Variants in PRKN observed in about 807,000 individuals in gnomAD.
PRKN encodes the protein E3 ubiquitin-protein ligase parkin.
A neutral mutation model predicts 59.5 loss-of-function variants in PRKN; 56 were observed. That is an observed-to-expected ratio of 0.94 (90% CI 0.76 to 1.18). The LOEUF (loss-of-function observed/expected upper bound fraction) is 1.18, where lower values mean the gene tolerates loss of function less well. Ranked by LOEUF, PRKN falls within the 50% of genes most tolerant of loss-of-function variation. PRKN has a pLI of 0.00. For synonymous variants in PRKN, 250 were observed against 222.1 expected (o/e 1.13, Z -1.12); for missense variants, 657 against 596.4 (o/e 1.10, Z -1.06).
rs1277290743 is a variant in PRKN at position 161,456,732 on chromosome 6, G to A, written c.1084-69855C>T. ...TTTGGGTTTGCGAATGCTGACCTGG[G>A]TCTGCTTTGTATGGGTGGTCAGAGG... On this transcript the variant is annotated intron_variant, in intron 9 of 11. Transcript: ENST00000366898. This position sits in a 1 kb window ranked among gnomAD's most constrained non-coding sequence, Gnocchi z 4.8. Among the ~76,000 whole-genome samples the A allele has an allele frequency of 2.6e-5, 4 of 152,196 alleles. No individual in the cohort carries two copies.
In PRKN at chr6:161,378,476, G is replaced by T. The variant is rs12215774; in HGVS notation, c.1167+8318C>A. Reference sequence around the variant, plus strand: ...CCAACTAACTGGCCAGTGGGTGTCAGGTGGATCACAGTGACACCAGGGAAG... The same window carrying T: ...CCAACTAACTGGCCAGTGGGTGTCATGTGGATCACAGTGACACCAGGGAAG... On this transcript the variant is annotated intron_variant, in intron 10 of 11. Transcript: ENST00000366898. This position sits in a 1 kb window ranked among gnomAD's most constrained non-coding sequence, Gnocchi z 7.3. Among the ~76,000 whole-genome samples the T allele has an allele frequency of 0.078, 11,852 of 152,248 alleles. 579 individuals carry two copies. Among genetic ancestry groups the T allele is most frequent in the Non-Finnish European group, 0.1 (6,969 of 68,008 alleles).
At chr6:161,850,574 C>CAAAAAA (rs10651778) in intron 6 of PRKN, among the ~76,000 whole-genome samples, 1,074 of 88,168 alleles carry the variant, frequency 0.012, 42 homozygotes, top group African/African-American at 0.047. Flanking sequence ...GACTACGTCT[C>CAAAAAA]AAAAAAAAAA....
chr6:161,349,579 A>G lies in PRKN; in HGVS notation c.*520T>C. 4.1e-6 allele frequency: 1 copy of G among 241,258 alleles called. No homozygotes were observed. 14.9% of individuals were successfully genotyped at this position (241,258 alleles called of 1,614,324 possible). On this transcript the variant is annotated 3_prime_UTR_variant, in exon 12 of 12. Coordinates refer to ENST00000366898, the MANE Select transcript of PRKN (RefSeq NM_004562.3). This position sits in a 1 kb window ranked among gnomAD's most constrained non-coding sequence, Gnocchi z 5.5. Reference sequence around the variant, plus strand: ...AATTTAAATAAGAACATTACTGTTAAAGCCATGAATCTAGTTTGGAGAACC... The same window carrying G: ...AATTTAAATAAGAACATTACTGTTAGAGCCATGAATCTAGTTTGGAGAACC...
In PRKN at chr6:161,502,897, C is replaced by A. The variant is rs529084176; in HGVS notation, c.1083+45957G>T. 1.3e-5 allele frequency among the ~76,000 whole-genome samples: 2 copies of A among 152,090 alleles called. No homozygotes were observed. Among genetic ancestry groups the A allele is most frequent in the Admixed American group, 6.6e-5 (1 of 15,258 alleles). ...AGTAGGTGCGTAACCCTGGGGATGTCGCTTAATTGCTTTAACCTTCACTTT... is the reference window on the plus strand; with the variant it reads ...AGTAGGTGCGTAACCCTGGGGATGTAGCTTAATTGCTTTAACCTTCACTTT... On this transcript the variant is annotated intron_variant, in intron 9 of 11. Coordinates refer to ENST00000366898, the MANE Select transcript of PRKN (RefSeq NM_004562.3). The surrounding 1 kb of genome is among the most constrained non-coding windows in gnomAD (Gnocchi z 4.0).
chr6:161,791,937 CCT>C (rs1229391257), intron 6 of PRKN, among the ~76,000 whole-genome samples: 1 of 152,194 alleles, frequency 6.6e-6, no homozygotes, highest in Non-Finnish European at 1.5e-5. Context: ...GACACCGCAG[CCT>C]CTGTCTGTGC....
intron 7 of PRKN, among the ~76,000 whole-genome samples, chr6:161,731,180 G>A (rs1419974477): frequency 6.6e-6 from 1 of 152,260 alleles, no homozygotes; most frequent in African/African-American, 2.4e-5. Flanking sequence ...ATTCTGATAT[G>A]TTTTCTTGTT....
chr6:162,412,957 AAC>A (rs1253355889), intron 2 of PRKN, among the ~76,000 whole-genome samples: 3 of 152,212 alleles, frequency 2.0e-5, no homozygotes, highest in African/African-American at 7.2e-5. Context: ...TGGTCTCTTA[AAC>A]ACAGTTTAAT....
Position 162,155,111 on chromosome 6 carries a change from A to AC in PRKN, c.534+46019_534+46020insG, listed in dbSNP as rs1554278099. Among the ~76,000 whole-genome samples the AC allele has an allele frequency of 3.7e-3, 501 of 136,432 alleles. 2 individuals carry two copies. Among genetic ancestry groups the AC allele is most frequent in the Middle Eastern group, 0.023 (6 of 260 alleles). 89.5% of individuals were successfully genotyped at this position (136,432 alleles called of 152,430 possible). On this transcript the variant is annotated intron_variant, in intron 4 of 11. Transcript: ENST00000366898. ...GGAAAAAAAATAAAACCTAAAAAAA[A>AC]AAACAACAAAATGACTTACTCAGCT...
chr6:161,720,334 C>T (rs778749991), intron 7 of PRKN, among the ~76,000 whole-genome samples: 18 of 152,122 alleles, frequency 1.2e-4, no homozygotes, highest in East Asian at 1.9e-4. Context: ...ATCTCCCTAC[C>T]TTATGCAGGA....
At chr6:162,602,361 C>T (rs1781745875) in intron 1 of PRKN, among the ~76,000 whole-genome samples, 1 of 152,128 alleles carries the variant, frequency 6.6e-6, no homozygotes, top group Non-Finnish European at 1.5e-5. Flanking sequence ...GGCATCAAGT[C>T]AGTAGGAGTG....
intron 2 of PRKN, among the ~76,000 whole-genome samples, chr6:162,313,138 A>G (rs541148772): frequency 3.9e-5 from 6 of 152,302 alleles, no homozygotes; most frequent in African/African-American, 1.4e-4. Flanking sequence ...ACAATTTGCC[A>G]TCTTACCCAT....
intron 2 of PRKN, among the ~76,000 whole-genome samples, chr6:162,434,791 T>C (rs1583567277): frequency 1.3e-5 from 2 of 152,300 alleles, no homozygotes; most frequent in African/African-American, 2.4e-5. Context: ...CCCATATGTA[T>C]TCATCATAAG....
At chr6:162,582,324 T>C (rs1322255132) in intron 1 of PRKN, among the ~76,000 whole-genome samples, 1 of 152,176 alleles carries the variant, frequency 6.6e-6, no homozygotes, top group Non-Finnish European at 1.5e-5. Flanking sequence ...CAAAATACAC[T>C]GGAATGAGAA....
chr6:161,521,832 T>C (rs932561078), intron 9 of PRKN, among the ~76,000 whole-genome samples: 1 of 152,300 alleles, frequency 6.6e-6, no homozygotes, highest in East Asian at 1.9e-4. Flanking sequence ...TTAGGCCTCT[T>C]CCAGACAAGC....
At chr6:161,505,388 T>C (rs1465107622) in intron 9 of PRKN, among the ~76,000 whole-genome samples, 1 of 151,248 alleles carries the variant, frequency 6.6e-6, no homozygotes, top group Non-Finnish European at 1.5e-5. Context: ...TTTTTTCTTG[T>C]AAATTTGTTT....
intron 1 of PRKN, among the ~76,000 whole-genome samples, chr6:162,671,944 T>A (rs1779339231): frequency 6.6e-6 from 1 of 151,984 alleles, no homozygotes; most frequent in Non-Finnish European, 1.5e-5. Context: ...ACACCAGGGC[T>A]GCAGACTGTG....
At chr6:162,353,379 G>A (rs1442755253) in intron 2 of PRKN, among the ~76,000 whole-genome samples, 1 of 151,690 alleles carries the variant, frequency 6.6e-6, no homozygotes. Flanking sequence ...ATGAAATTGA[G>A]TGCTAAGCAT....
chr6:161,533,004 C>T lies in PRKN; in HGVS notation c.1083+15850G>A, dbSNP rs193169754. 6.6e-6 allele frequency among the ~76,000 whole-genome samples: 1 copy of T among 152,130 alleles called. No homozygotes were observed. Among genetic ancestry groups the T allele is most frequent in the Admixed American group, 6.5e-5 (1 of 15,274 alleles). ...CTATTTCAGACTTGTAAATATTAAA[C>T]TCATATTTTTAGATTTAAAAAAGGC... On this transcript the variant is annotated intron_variant, in intron 9 of 11. Coordinates refer to ENST00000366898, the MANE Select transcript of PRKN (RefSeq NM_004562.3). This position sits in a 1 kb window ranked among gnomAD's most constrained non-coding sequence, Gnocchi z 4.1.
Position 162,240,245 on chromosome 6 carries a change from A to T in PRKN, c.412+22280T>A, listed in dbSNP as rs545015958. 3.3e-5 allele frequency among the ~76,000 whole-genome samples: 5 copies of T among 152,330 alleles called. No homozygotes were observed. The South Asian group carries it at 8.3e-4, about 25-fold the overall frequency. ...AATTTTTTAAAATAAGATCTTTGAA[A>T]GTATATTATTAATTCTATCATCCAA... On this transcript the variant is annotated intron_variant, in intron 3 of 11. Transcript: ENST00000366898.
Sources: allele counts gnomAD v4.1 joint callset (sites outside exome capture counted in the v4.1 genomes callset), GRCh38; gene constraint gnomAD v4.1.1; non-coding constraint Gnocchi (gnomAD v3.1); transcripts MANE v1.5; gene names NCBI Gene and HGNC (gene_info 2026-07-23, HGNC 2026-07-21).